Variants in PCDHGB2 observed in about 807,000 individuals in gnomAD.
PCDHGB2 encodes protocadherin gamma subfamily B, 2.
PCDHGB2 carries 55 observed loss-of-function variants against 59.3 expected under a neutral mutation model. That is an observed-to-expected ratio of 0.93 (90% confidence interval 0.75 to 1.16). The LOEUF (loss-of-function observed/expected upper bound fraction) is 1.16. Ranked by LOEUF, PCDHGB2 falls within the 50% of genes most tolerant of loss-of-function variation. PCDHGB2 has a pLI of 0.00. For missense variants in PCDHGB2, 1,228 were observed against 1,198.5 expected (o/e 1.02, Z -0.36); for synonymous variants, 516 against 512.0 (o/e 1.01, Z -0.11).
chr5:141,380,571 T>C (rs529430145), intron 1 of PCDHGB2, among the ~76,000 whole-genome samples: 2 of 152,352 alleles, frequency 1.3e-5, no homozygotes, highest in African/African-American at 4.8e-5. Context: ...ATTAAACATA[T>C]CTTGGCGGTC....
At chr5:141,414,583 G>A (rs570765907) in intron 1 of PCDHGB2, 1 of 1,613,736 alleles carries the variant, frequency 6.2e-7, no homozygotes, top group Non-Finnish European at 8.5e-7. Context: ...AGAGAACAAC[G>A]CCAGGGGTGC....
chr5:141,385,037 C>T, intron 1 of PCDHGB2: 1 of 1,614,148 alleles, frequency 6.2e-7, no homozygotes, highest in Non-Finnish European at 8.5e-7. Context: ...GTACTGCTGG[C>T]GCTCAGGCTG....
At position 141,361,769 on chromosome 5, in the gene PCDHGB2, A is replaced by C; in HGVS notation, c.1634A>C (p.Asn545Thr). ...CAGGGCTCGCCCGCGCTCAGCGCCA[A>C]CGTGAGCCTGCGCGTGTTAGTGGGC... ...RDQGSPALSA[N>T]VSLRVLVGDL... Residue 545 changes from asparagine to threonine, a missense_variant, in exon 1 of 4, where the codon AAC becomes ACC. Physicochemically the swap from Asn to Thr is moderately conservative, Grantham distance 65. Around this residue, in one of 3 missense-constraint regions of PCDHGB2, gnomAD observed 781 missense variants for 721.6 expected, o/e 1.08. Transcript: ENST00000522605. 1 of 1,613,144 alleles carries C rather than the reference A, an allele frequency of 6.2e-7. No individual in the cohort carries two copies. The highest frequency in any genetic ancestry group is 8.5e-7 in the Non-Finnish European group (1 of 1,179,714).
chr5:141,491,109 A>G lies in PCDHGB2; in HGVS notation c.2422-3698A>G, dbSNP rs1039906987. 4.3e-6 allele frequency: 7 copies of G among 1,614,074 alleles called. No individual in the cohort carries two copies. The African/African-American group carries it at 9.3e-5, about 22-fold the overall frequency. ...CCCCAGGACTGTTCCTCGTGTCTAC[A>G]CACACTGGTGAGGTGCGCACAGCCC... On this transcript the variant is annotated intron_variant, in intron 1 of 3. Coordinates refer to ENST00000522605, the MANE Select transcript of PCDHGB2 (RefSeq NM_018923.3). The surrounding 1 kb of genome is among the most constrained non-coding windows in gnomAD (Gnocchi z 6.9).
intron 1 of PCDHGB2, chr5:141,400,054 C>G: frequency 6.2e-7 from 1 of 1,613,622 alleles, no homozygotes; most frequent in Non-Finnish European, 8.5e-7. Flanking sequence ...GGTTGCTGTG[C>G]GTGATGGTGG....
chr5:141,394,860 G>A, intron 1 of PCDHGB2: 1 of 1,613,792 alleles, frequency 6.2e-7, no homozygotes, highest in African/African-American at 1.3e-5. Flanking sequence ...GCCTTCGGTC[G>A]ACCCGAACGA....
In PCDHGB2 at chr5:141,364,898, A is replaced by T. The variant is rs201286149; in HGVS notation, c.2421+2342A>T. The T allele has an allele frequency of 1.1e-5, 18 of 1,613,800 alleles. No individual in the cohort carries two copies. In the African/African-American group the frequency reaches 2.1e-4, roughly 19 times the overall value. On this transcript the variant is annotated intron_variant, in intron 1 of 3. Transcript: ENST00000522605. ...TGTGGTAAGCGGAACTGATGGACAA[A>T]AGTATCCGGAGCTGGTGTTGGAACA...
chr5:141,485,408 T>G lies in PCDHGB2; in HGVS notation c.2422-9399T>G. On this transcript the variant is annotated intron_variant, in intron 1 of 3. Transcript: ENST00000522605. The surrounding 1 kb of genome is among the most constrained non-coding windows in gnomAD (Gnocchi z 5.7). ...GAACCAAAGACACTTCCGTGTGGAT[T>G]TGGACAGCGGAGCCCTGCTCATCAA... 1 of 1,614,112 alleles carries G rather than the reference T, an allele frequency of 6.2e-7. No individual in the cohort carries two copies. The highest frequency in any genetic ancestry group is 8.5e-7 in the Non-Finnish European group (1 of 1,180,034).
In PCDHGB2 at chr5:141,415,239, T is replaced by G. The variant is rs781763142; in HGVS notation, c.2421+52683T>G. The G allele has an allele frequency of 8.1e-6, 13 of 1,614,068 alleles. No individual in the cohort carries two copies. The South Asian group carries it at 1.3e-4, about 16-fold the overall frequency. The stretch of plus-strand genomic sequence containing the variant: ...GCAGCTTCGAGTCTCCAGCTAACTC[T>G]GAAACCTCAGACCTCACTCTGTACC... On this transcript the variant is annotated intron_variant, in intron 1 of 3. Coordinates refer to ENST00000522605, the MANE Select transcript of PCDHGB2 (RefSeq NM_018923.3).
At chr5:141,390,433 AT>A (rs1395897313) in intron 1 of PCDHGB2, 1 of 978,654 alleles carries the variant, frequency 1.0e-6, no homozygotes, top group East Asian at 2.6e-5. Context: ...CTGTCATATC[AT>A]TCTACAAAGG....
intron 1 of PCDHGB2, chr5:141,478,104 CTG>C: frequency 6.2e-7 from 1 of 1,614,118 alleles, no homozygotes; most frequent in Middle Eastern, 1.6e-4. Context: ...GCTACCCTCA[CTG>C]TGTCAGTAAC....
At position 141,418,573 on chromosome 5, in the gene PCDHGB2, C is replaced by A. The variant is rs749104686; in HGVS notation, c.2421+56017C>A. 5.0e-6 allele frequency: 8 copies of A among 1,613,826 alleles called. No individual in the cohort carries two copies. The South Asian group carries it at 5.5e-5, about 11-fold the overall frequency. Reference sequence around the variant, plus strand: ...TCCTGGTAATAGATGCCAATGACAACCCCCCAGTGTTCAGCCAGGACGTGT... The same window carrying A: ...TCCTGGTAATAGATGCCAATGACAAACCCCCAGTGTTCAGCCAGGACGTGT... On this transcript the variant is annotated intron_variant, in intron 1 of 3. Transcript: ENST00000522605.
At chr5:141,454,344 G>A (rs1455147295) in intron 1 of PCDHGB2, among the ~76,000 whole-genome samples, 3 of 152,236 alleles carry the variant, frequency 2.0e-5, no homozygotes, top group Non-Finnish European at 4.4e-5. Flanking sequence ...AATGTTGGAA[G>A]TTGATCCAAA....
intron 1 of PCDHGB2, chr5:141,430,826 CT>C (rs765096486): frequency 1.3e-6 from 2 of 1,550,416 alleles, no homozygotes; most frequent in East Asian, 2.2e-5. Flanking sequence ...CCTGGGGACT[CT>C]GTGGGAGACC....
Position 141,487,272 on chromosome 5 carries a change from T to C in PCDHGB2, c.2422-7535T>C. 6.2e-7 allele frequency: 1 copy of C among 1,614,148 alleles called. No homozygotes were observed. The highest frequency in any genetic ancestry group is 8.5e-7 in the Non-Finnish European group (1 of 1,180,036). Reference sequence around the variant, plus strand: ...TACTTGGCTGTGTCCCTAGTGGCAATTTGCTTTGTCTCCTTTGGCTCATTC... The same window carrying C: ...TACTTGGCTGTGTCCCTAGTGGCAACTTGCTTTGTCTCCTTTGGCTCATTC... On this transcript the variant is annotated intron_variant, in intron 1 of 3. Coordinates refer to ENST00000522605, the MANE Select transcript of PCDHGB2 (RefSeq NM_018923.3). This position sits in a 1 kb window ranked among gnomAD's most constrained non-coding sequence, Gnocchi z 5.0.
At chr5:141,369,961 C>G (rs1766581774) in intron 1 of PCDHGB2, among the ~76,000 whole-genome samples, 1 of 152,090 alleles carries the variant, frequency 6.6e-6, no homozygotes, top group African/African-American at 2.4e-5. Flanking sequence ...TGCCCTTTGA[C>G]AAGTAAAAGG....
chr5:141,375,835 C>A (rs772317330), intron 1 of PCDHGB2: 22 of 1,613,984 alleles, frequency 1.4e-5, no homozygotes, highest in Admixed American at 1.7e-5. Flanking sequence ...CCGCAGAGCC[C>A]GGCTACCTGG....
intron 1 of PCDHGB2, chr5:141,419,779 GC>G: frequency 1.2e-6 from 2 of 1,614,064 alleles, no homozygotes; most frequent in African/African-American, 2.7e-5. Context: ...CGGTCCGCCA[GC>G]GCCTGCTAGT....
At chr5:141,394,251 G>A (rs1380359596) in intron 1 of PCDHGB2, 1 of 1,613,744 alleles carries the variant, frequency 6.2e-7, no homozygotes, top group Non-Finnish European at 8.5e-7. Flanking sequence ...ACACGACCCC[G>A]ACAGCCAGGA....
Sources: gnomAD v4.1 joint callset for allele counts (sites outside exome capture counted in the v4.1 genomes callset) on GRCh38, gnomAD v4.1.1 for gene constraint, gnomAD v4.1.1 regional missense constraint, Gnocchi (gnomAD v3.1) non-coding constraint, MANE v1.5 for transcripts, NCBI Gene and HGNC (gene_info 2026-07-23, HGNC 2026-07-21) for gene names.